NEGR1: variants seen among roughly 807,000 people sequenced by gnomAD.
NEGR1 encodes neuronal growth regulator 1.
In NEGR1, 10 loss-of-function variants were observed where a neutral mutation model predicts 40.9. The observed-to-expected ratio is 0.24, with a 90% CI of 0.15 to 0.42. NEGR1 has a LOEUF of 0.42. Among genes scored for constraint, NEGR1 ranks in the 10% least tolerant of loss-of-function variants. The pLI, the probability that NEGR1 is intolerant of heterozygous loss-of-function variation, is 1.00. For missense variants in NEGR1, 352 were observed against 438.9 expected (o/e 0.80, Z 1.77); for synonymous variants, 185 against 166.8 (o/e 1.11, Z -0.84).
chr1:72,028,504 T>C (rs1253463786), intron 1 of NEGR1, among the ~76,000 whole-genome samples: 2 of 152,172 alleles, frequency 1.3e-5, no homozygotes, highest in African/African-American at 4.8e-5. Context: ...AGAATAAAGA[T>C]AAAACAACCC....
intron 4 of NEGR1, among the ~76,000 whole-genome samples, chr1:71,617,007 CCACATGGAGACCAAG>C (rs1281797607): frequency 2.0e-5 from 3 of 152,136 alleles, no homozygotes; most frequent in Non-Finnish European, 2.9e-5. Flanking sequence ...AACTGCTGTA[CCACATGGAGACCAAG>C]CACCTTGCAT....
At chr1:71,726,539 T>C (rs1654680355) in intron 3 of NEGR1, among the ~76,000 whole-genome samples, 1 of 152,120 alleles carries the variant, frequency 6.6e-6, no homozygotes, top group African/African-American at 2.4e-5. Context: ...TTGGTAATGC[T>C]TTCTTTTATG....
In NEGR1 at chr1:71,922,373, T is replaced by A. The variant is rs144944726; in HGVS notation, c.409+12706A>T. On this transcript the variant is annotated intron_variant, in intron 2 of 6. Transcript: ENST00000357731. ...TGCACCTTCTGGTGTGGGGGCAACA[T>A]AGAGCATAGCAAGAGAGGTGCAGAG... Among the ~76,000 whole-genome samples, 145 of 152,274 alleles carry A rather than the reference T, an allele frequency of 9.5e-4. 2 individuals carry two copies. The highest frequency in any genetic ancestry group is 9.3e-3 in the Admixed American group (142 of 15,294).
intron 1 of NEGR1, among the ~76,000 whole-genome samples, chr1:72,147,607 A>C (rs78168079): frequency 2.3e-4 from 35 of 152,138 alleles, no homozygotes; most frequent in African/African-American, 7.7e-4. Flanking sequence ...CATTCCCCTA[A>C]AGTCTTAGTA....
intron 2 of NEGR1, among the ~76,000 whole-genome samples, chr1:71,927,557 C>T (rs573236409): frequency 6.6e-6 from 1 of 152,080 alleles, no homozygotes; most frequent in Non-Finnish European, 1.5e-5. Flanking sequence ...TCCCAAGTTT[C>T]CCAAATTAGG....
At chr1:71,632,506 T>C (rs1337078263) in intron 4 of NEGR1, among the ~76,000 whole-genome samples, 2 of 150,856 alleles carry the variant, frequency 1.3e-5, no homozygotes, top group Non-Finnish European at 3.0e-5. Context: ...ATTAGTACTA[T>C]TTAATAATAA....
chr1:71,560,052 C>G (rs1363201779), intron 6 of NEGR1, among the ~76,000 whole-genome samples: 1 of 151,054 alleles, frequency 6.6e-6, no homozygotes, highest in Non-Finnish European at 1.5e-5. Context: ...GTCAACTACA[C>G]AGATATTTTA....
At chr1:71,688,309 C>CATATATATATATATATATATATATATAT (rs373700339) in intron 4 of NEGR1, among the ~76,000 whole-genome samples, 1 of 41,352 alleles carries the variant, frequency 2.4e-5, no homozygotes, top group African/African-American at 9.2e-5. Context: ...TTTCCCTTTT[C>CATATATATATATATATATATATATATAT]ATATATATAT....
chr1:71,769,994 G>A (rs1656258938), intron 3 of NEGR1, among the ~76,000 whole-genome samples: 1 of 152,130 alleles, frequency 6.6e-6, no homozygotes, highest in South Asian at 2.1e-4. Context: ...TTGATAAGAG[G>A]AAGATCTGGA....
In NEGR1 at chr1:71,858,406, G is replaced by A. The variant is rs138122231; in HGVS notation, c.409+76673C>T. Among the ~76,000 whole-genome samples the A allele has an allele frequency of 3.3e-4, 50 of 152,142 alleles. No homozygotes were observed. In the East Asian group the frequency reaches 6.8e-3, roughly 21 times the overall value. ...TACAGAGCAATGCATTTGTGTAGCC[G>A]TCTCTGAACTCATCAAGAAAAACCT... On this transcript the variant is annotated intron_variant, in intron 2 of 6. Coordinates refer to ENST00000357731, the MANE Select transcript of NEGR1 (RefSeq NM_173808.3).
intron 1 of NEGR1, among the ~76,000 whole-genome samples, chr1:72,174,441 T>C (rs1652087529): frequency 6.6e-6 from 1 of 152,208 alleles, no homozygotes; most frequent in African/African-American, 2.4e-5. Context: ...CATTATAGTA[T>C]TATAGAGCAG....
At chr1:71,685,112 G>C (rs1247493024) in intron 4 of NEGR1, among the ~76,000 whole-genome samples, 1 of 151,988 alleles carries the variant, frequency 6.6e-6, no homozygotes, top group African/African-American at 2.4e-5. Flanking sequence ...AATCATGTTA[G>C]TCTGTTACAT....
chr1:71,736,436 A>G (rs1655043399), intron 3 of NEGR1, among the ~76,000 whole-genome samples: 1 of 152,212 alleles, frequency 6.6e-6, no homozygotes, highest in Admixed American at 6.6e-5. Flanking sequence ...TCATTAAATT[A>G]CCATTTAAAA....
intron 6 of NEGR1, among the ~76,000 whole-genome samples, chr1:71,493,396 G>C (rs1489058061): frequency 6.6e-6 from 1 of 152,026 alleles, no homozygotes; most frequent in Non-Finnish European, 1.5e-5. Context: ...TTAATTTGTA[G>C]ATTATTTTAA....
chr1:71,990,449 C>G (rs1646439363), intron 1 of NEGR1, among the ~76,000 whole-genome samples: 1 of 152,090 alleles, frequency 6.6e-6, no homozygotes, highest in Admixed American at 6.5e-5. Context: ...AAGATCACAT[C>G]CTCTCTTCCC....
At chr1:71,579,844 C>A (rs57099081) in intron 6 of NEGR1, among the ~76,000 whole-genome samples, 4 of 152,060 alleles carry the variant, frequency 2.6e-5, no homozygotes, top group East Asian at 3.9e-4. Context: ...TAAGACATTG[C>A]AAAATAAGCA....
chr1:71,804,940 G>T (rs552448085), intron 2 of NEGR1, among the ~76,000 whole-genome samples: 3 of 152,088 alleles, frequency 2.0e-5, no homozygotes, highest in Non-Finnish European at 4.4e-5. Context: ...GAGAAATATC[G>T]CTGAATTCTT....
At chr1:72,099,004 T>C (rs1648826105) in intron 1 of NEGR1, among the ~76,000 whole-genome samples, 1 of 151,998 alleles carries the variant, frequency 6.6e-6, no homozygotes, top group East Asian at 1.9e-4. Flanking sequence ...GAATTTAGAA[T>C]ATTATAATTA....
chr1:72,262,383 T>C (rs1344862733), intron 1 of NEGR1, among the ~76,000 whole-genome samples: 1 of 151,932 alleles, frequency 6.6e-6, no homozygotes, highest in African/African-American at 2.4e-5. Context: ...AGAAATCTAA[T>C]TGGAACACAA....
Sources: gnomAD v4.1 joint callset for allele counts (sites outside exome capture counted in the v4.1 genomes callset) on GRCh38, gnomAD v4.1.1 for gene constraint, MANE v1.5 for transcripts, NCBI Gene and HGNC (gene_info 2026-07-23, HGNC 2026-07-21) for gene names.